Variants in COL4A4 observed in about 807,000 individuals in gnomAD.
COL4A4 encodes the protein collagen type IV alpha 4 chain, also known as collagen alpha-4(IV) chain.
In COL4A4, 105 loss-of-function variants were observed where a neutral mutation model predicts 192.9. The observed-to-expected ratio is 0.54, with a 90% CI of 0.46 to 0.64. COL4A4 has a LOEUF of 0.64. COL4A4 is among the 30% of genes least tolerant of loss of function. COL4A4 has a pLI of 0.00. For synonymous variants in COL4A4, 762 were observed against 769.9 expected (o/e 0.99, Z 0.17); for missense variants, 1,967 against 2,169.3 (o/e 0.91, Z 1.85).
intron 44 of COL4A4, among the ~76,000 whole-genome samples, chr2:227,016,484 C>T (rs1289706753): frequency 6.6e-6 from 1 of 152,154 alleles, no homozygotes; most frequent in Non-Finnish European, 1.5e-5. Context: ...GGAACACAGG[C>T]ATTCATTTAC....
the COL4A4 span, among the ~76,000 whole-genome samples, chr2:226,992,412 A>AGAGTAAGAT: frequency 6.6e-6 from 1 of 152,240 alleles, no homozygotes; most frequent in Non-Finnish European, 1.5e-5. Context: ...CATTCTTCAG[A>AGAGTAAGAT]GAGTAAGATG....
At chr2:227,098,557 G>A (rs1230127839) in intron 19 of COL4A4, 137 bp downstream of exon 19, 1 of 679,552 alleles carries the variant, frequency 1.5e-6, no homozygotes, top group Admixed American at 2.4e-5. Context: ...CTTGGTCTGG[G>A]GTGTGCACAG....
At position 227,050,091 on chromosome 2, in the gene COL4A4, A is replaced by G. The variant is rs777045098; in HGVS notation, c.3191T>C (p.Ile1064Thr). The part of the protein sequence containing the change: ...GSPGPPGFSG[I>T]DGARGPKGNK... ...ACCTTTAGGTCCTCTTGCTCCATCA[A>G]TTCCTGAAAATCCAGGGGGACCTGG... The change falls in exon 34 of 48, where the codon ATT becomes ACT. Residue 1064 changes from isoleucine (I) to threonine (T), a missense_variant. By Grantham distance (89) the Ile-to-Thr change is moderately conservative. Coordinates refer to ENST00000396625, the MANE Select transcript of COL4A4 (RefSeq NM_000092.5). The G allele has an allele frequency of 6.2e-6, 10 of 1,614,064 alleles. No homozygotes were observed. The highest frequency in any genetic ancestry group is 2.7e-5 in the African/African-American group (2 of 74,926).
chr2:227,155,996 G>A (rs758630127), intron 1 of COL4A4, among the ~76,000 whole-genome samples: 34 of 152,012 alleles, frequency 2.2e-4, no homozygotes, highest in African/African-American at 3.1e-4. Flanking sequence ...GGTGCCTACC[G>A]CAATGCCTGG....
At chr2:227,045,152 A>G (rs73091477) in intron 35 of COL4A4, among the ~76,000 whole-genome samples, 9,285 of 152,210 alleles carry the variant, frequency 0.061, 923 homozygotes, top group African/African-American at 0.21. Flanking sequence ...TTGCTGACTG[A>G]TGATGGTGAT....
chr2:227,103,866 G>A (rs2060665010), intron 13 of COL4A4, 106 bp downstream of exon 13: 1 of 806,892 alleles, frequency 1.2e-6, no homozygotes, highest in South Asian at 1.4e-5. Context: ...TTTGAAACTA[G>A]TGCAGTGATG....
At chr2:226,982,080 C>G in the COL4A4 span, among the ~76,000 whole-genome samples, 11 of 152,338 alleles carry the variant, frequency 7.2e-5, no homozygotes, top group East Asian at 2.1e-3. Flanking sequence ...AACTTCCCCC[C>G]GCCCTCTTTT....
At chr2:226,984,086 A>C in the COL4A4 span, among the ~76,000 whole-genome samples, 1 of 152,204 alleles carries the variant, frequency 6.6e-6, no homozygotes, top group Non-Finnish European at 1.5e-5. Context: ...ACAGAGTCCC[A>C]AGAAAGATGT....
chr2:227,020,869 A>T (rs997970936), intron 44 of COL4A4, among the ~76,000 whole-genome samples: 5 of 102,218 alleles, frequency 4.9e-5, no homozygotes, highest in Non-Finnish European at 5.9e-5. Context: ...CCATTCGGAG[A>T]ACACTTTTTT....
intron 19 of COL4A4, among the ~76,000 whole-genome samples, chr2:227,098,213 G>A (rs924301923): frequency 6.6e-6 from 1 of 152,150 alleles, no homozygotes; most frequent in Non-Finnish European, 1.5e-5. Context: ...GGGATTAGGT[G>A]AATGTACTAA....
At chr2:227,054,469 T>C (rs1362837664) in intron 31 of COL4A4, 125 bp downstream of exon 31, 1 of 1,054,738 alleles carries the variant, frequency 9.5e-7, no homozygotes, top group African/African-American at 1.6e-5. Context: ...ACAAATACCA[T>C]AGAACTAAAA....
At chr2:227,093,612 C>G (rs948835300) in intron 20 of COL4A4, among the ~76,000 whole-genome samples, 3 of 151,926 alleles carry the variant, frequency 2.0e-5, no homozygotes, top group Non-Finnish European at 4.4e-5. Flanking sequence ...ATCCCCAGCC[C>G]CCTGCCTGCC....
rs56335810 is a variant in COL4A4 at position 227,054,436 on chromosome 2, T to G, written c.2860+158A>C. Among the ~76,000 whole-genome samples the G allele has an allele frequency of 0.055, 8,451 of 152,278 alleles. 771 individuals carry two copies. Among genetic ancestry groups the G allele is most frequent in the African/African-American group, 0.19 (7,975 of 41,526 alleles). ...TAATAAGATTAAGAGGTAAAGAAAA[T>G]GAATTTTGTTTAAAATTCTAAAACA... On this transcript the variant is annotated intron_variant, in intron 31 of 47. Transcript: ENST00000396625.
chr2:227,012,311 T>A lies in COL4A4; in HGVS notation c.4217-14A>T. The A allele has an allele frequency of 6.2e-7, 1 of 1,604,310 alleles. No individual in the cohort carries two copies. Among genetic ancestry groups the A allele is most frequent in the African/African-American group, 1.3e-5 (1 of 74,842 alleles). On this transcript the variant is annotated splice_polypyrimidine_tract_variant and intron_variant, in intron 44 of 47. Coordinates refer to ENST00000396625, the MANE Select transcript of COL4A4 (RefSeq NM_000092.5). The stretch of plus-strand genomic sequence containing the variant: ...CTCCTTTGCACCCTGCACAAAAGTT[T>A]ATGATGCTGGTGGTGAAAGCAACCA...
chr2:226,978,715 G>A, the COL4A4 span, among the ~76,000 whole-genome samples: 1 of 152,206 alleles, frequency 6.6e-6, no homozygotes. Flanking sequence ...CACTAACCAT[G>A]GCATCATGTG....
intron 24 of COL4A4, among the ~76,000 whole-genome samples, chr2:227,078,731 C>A (rs886889908): frequency 3.9e-5 from 6 of 152,132 alleles, no homozygotes; most frequent in Admixed American, 2.0e-4. Context: ...AAATCAAATA[C>A]ATTCTTATGT....
intron 20 of COL4A4, among the ~76,000 whole-genome samples, chr2:227,093,898 T>C (rs1403017872): frequency 6.6e-6 from 1 of 152,140 alleles, no homozygotes; most frequent in East Asian, 1.9e-4. Context: ...TTGGTATTAT[T>C]TTACCAAGTT....
intron 25 of COL4A4, among the ~76,000 whole-genome samples, chr2:227,070,311 C>T (rs969889986): frequency 1.2e-4 from 18 of 151,954 alleles, no homozygotes; most frequent in South Asian, 2.1e-4. Context: ...GTCAGTGTGG[C>T]GATTCCTCAG....
At chr2:227,134,368 C>G (rs940267002) in intron 4 of COL4A4, among the ~76,000 whole-genome samples, 9 of 152,164 alleles carry the variant, frequency 5.9e-5, no homozygotes, top group African/African-American at 2.2e-4. Context: ...AACAAAAAAG[C>G]AAACCCAACA....
Sources: allele counts gnomAD v4.1 joint callset (sites outside exome capture counted in the v4.1 genomes callset), GRCh38; gene constraint gnomAD v4.1.1; transcripts MANE v1.5; gene names NCBI Gene and HGNC (gene_info 2026-07-23, HGNC 2026-07-21).